Variants in PXDNL observed in about 807,000 individuals in gnomAD.
The protein encoded by PXDNL is peroxidasin like.
Under a neutral mutation model 150.8 loss-of-function variants are expected in PXDNL, and 145 were observed. The observed-to-expected ratio is 0.96, with a 90% CI of 0.84 to 1.10. The LOEUF is 1.10. PXDNL is among the 50% of genes least tolerant of loss of function. The pLI is 0.00. For synonymous variants in PXDNL, 757 were observed against 725.7 expected (o/e 1.04, Z -0.69); for missense variants, 2,087 against 1,873.9 (o/e 1.11, Z -2.10).
At chr8:51,403,941 C>T (rs1808351424) in intron 17 of PXDNL, among the ~76,000 whole-genome samples, 1 of 152,152 alleles carries the variant, frequency 6.6e-6, no homozygotes, top group Non-Finnish European at 1.5e-5. Context: ...CGGACGTGTT[C>T]AGAGTTTCTT....
At chr8:51,435,861 C>A in intron 12 of PXDNL, 1 of 452,738 alleles carries the variant, frequency 2.2e-6, no homozygotes, top group Admixed American at 2.6e-5. Context: ...AATGTTGATG[C>A]CTCATTCTAA....
intron 19 of PXDNL, among the ~76,000 whole-genome samples, chr8:51,364,554 G>T (rs1806856021): frequency 6.6e-6 from 1 of 152,136 alleles, no homozygotes; most frequent in African/African-American, 2.4e-5. Flanking sequence ...TGGTTGTGTG[G>T]ACTCATGGGG....
intron 1 of PXDNL, among the ~76,000 whole-genome samples, chr8:51,748,065 G>A: frequency 6.6e-6 from 1 of 152,176 alleles, no homozygotes; most frequent in East Asian, 1.9e-4. Context: ...GATTAGCAAG[G>A]TGATTTACTC....
intron 2 of PXDNL, among the ~76,000 whole-genome samples, chr8:51,626,563 C>G (rs186918370): frequency 3.3e-5 from 5 of 152,240 alleles, no homozygotes; most frequent in Admixed American, 3.3e-4. Context: ...TTTGGAGCCT[C>G]CAAACAAATA....
chr8:51,754,682 T>A (rs545183607), intron 1 of PXDNL, among the ~76,000 whole-genome samples: 10 of 152,104 alleles, frequency 6.6e-5, no homozygotes, highest in African/African-American at 1.9e-4. Context: ...TTTTTGTATT[T>A]TTAGTAGAGA....
At chr8:51,804,155 G>A (rs777586846) in intron 1 of PXDNL, among the ~76,000 whole-genome samples, 6 of 152,202 alleles carry the variant, frequency 3.9e-5, no homozygotes, top group Non-Finnish European at 8.8e-5. Context: ...TGGTCTGGAA[G>A]GTGGGACAAC....
intron 8 of PXDNL, among the ~76,000 whole-genome samples, chr8:51,460,288 CA>C (rs1554542600): frequency 6.7e-6 from 1 of 150,250 alleles, no homozygotes; most frequent in Non-Finnish European, 1.5e-5. Context: ...AAACCACCAT[CA>C]ACCACAAATT....
chr8:51,394,403 G>A (rs1808013379), intron 17 of PXDNL, among the ~76,000 whole-genome samples: 1 of 152,120 alleles, frequency 6.6e-6, no homozygotes, highest in Admixed American at 6.5e-5. Context: ...CTCATATTGA[G>A]GTGAGAAAAT....
intron 1 of PXDNL, among the ~76,000 whole-genome samples, chr8:51,708,373 AC>A (rs1415347888): frequency 6.6e-6 from 1 of 152,230 alleles, no homozygotes; most frequent in East Asian, 1.9e-4. Context: ...TTCCATAAGC[AC>A]CTACTGTAGG....
At chr8:51,412,814 T>G (rs948540338) in intron 15 of PXDNL, among the ~76,000 whole-genome samples, 15 of 152,238 alleles carry the variant, frequency 9.9e-5, no homozygotes, top group African/African-American at 3.1e-4. Context: ...GTGTTCAACT[T>G]GATAATCATT....
chr8:51,663,070 C>T (rs1815308377), intron 1 of PXDNL, among the ~76,000 whole-genome samples: 1 of 152,144 alleles, frequency 6.6e-6, no homozygotes, highest in Non-Finnish European at 1.5e-5. Flanking sequence ...GCTGAAGCTC[C>T]ACACACCGTT....
At chr8:51,573,892 T>C (rs557204905) in intron 3 of PXDNL, among the ~76,000 whole-genome samples, 3 of 152,058 alleles carry the variant, frequency 2.0e-5, no homozygotes, top group South Asian at 4.1e-4. Flanking sequence ...TTAACATCTT[T>C]AGTATTTCGA....
chr8:51,364,136 C>T (rs111374915), intron 19 of PXDNL, among the ~76,000 whole-genome samples: 29 of 152,314 alleles, frequency 1.9e-4, no homozygotes, highest in African/African-American at 6.7e-4. Flanking sequence ...TAACTAAATG[C>T]TGCAAAGCCT....
rs181492385 is a variant in PXDNL at position 51,615,538 on chromosome 8, A to C, written c.237-22840T>G. On this transcript the variant is annotated intron_variant, in intron 2 of 22. Transcript: ENST00000356297. ...CAAACTTAAAGAGTCTGGGGGGAAA[A>C]GAGAGGAAAAGGCTGGAAATGGAGT... is the stretch of plus-strand genomic sequence containing the variant. 3.9e-5 allele frequency among the ~76,000 whole-genome samples: 6 copies of C among 152,220 alleles called. No individual in the cohort carries two copies. In the East Asian group the frequency reaches 1.2e-3, roughly 29 times the overall value.
At chr8:51,326,389 T>A (rs1205428709) in intron 21 of PXDNL, among the ~76,000 whole-genome samples, 1 of 152,086 alleles carries the variant, frequency 6.6e-6, no homozygotes, top group African/African-American at 2.4e-5. Context: ...TCTGAGCTAC[T>A]CAGGAGGCTG....
chr8:51,432,606 T>C lies in PXDNL; in HGVS notation c.1526-5848A>G, dbSNP rs187793093. ...TTTTGTTAGATTTATTTTTAACTTA[T>C]ACTTTCTTGTCATTTTAAGGAGCTT... On this transcript the variant is annotated intron_variant, in intron 12 of 22. Coordinates refer to ENST00000356297, the MANE Select transcript of PXDNL (RefSeq NM_144651.5). Among the ~76,000 whole-genome samples, 130 of 152,348 alleles carry C rather than the reference T, an allele frequency of 8.5e-4. 1 individual carries two copies. Among genetic ancestry groups the C allele is most frequent in the Admixed American group, 2.9e-3 (44 of 15,304 alleles).
At chr8:51,320,192 T>C (rs1249997112) in intron 22 of PXDNL, among the ~76,000 whole-genome samples, 170 bp from the exon 23 acceptor site, 5 of 152,228 alleles carry the variant, frequency 3.3e-5, no homozygotes, top group African/African-American at 9.7e-5. Flanking sequence ...ATTCTTTCTT[T>C]CTATACATTT....
chr8:51,424,304 A>C (rs916276177), intron 13 of PXDNL, among the ~76,000 whole-genome samples: 1 of 152,138 alleles, frequency 6.6e-6, no homozygotes, highest in Non-Finnish European at 1.5e-5. Flanking sequence ...AGAAGTGTGA[A>C]TCTGTAATGA....
chr8:51,764,896 T>C (rs771289507), intron 1 of PXDNL, among the ~76,000 whole-genome samples: 14 of 152,240 alleles, frequency 9.2e-5, no homozygotes, highest in Admixed American at 2.6e-4. Flanking sequence ...TATTGAAGTA[T>C]TGAAGTTTCC....
Sources: allele counts gnomAD v4.1 joint callset (sites outside exome capture counted in the v4.1 genomes callset), GRCh38; gene constraint gnomAD v4.1.1; transcripts MANE v1.5; gene names NCBI Gene and HGNC (gene_info 2026-07-23, HGNC 2026-07-21).